The following RGS5 variants were observed in gnomAD, a reference collection of about 807,000 sequenced individuals.
RGS5 encodes the protein regulator of G-protein signalling 5.
In RGS5, 20 loss-of-function variants were observed where a neutral mutation model predicts 18.9. That is an observed-to-expected ratio of 1.06 (90% CI 0.74 to 1.54). RGS5 has a LOEUF of 1.54. Ranked by LOEUF, RGS5 falls within the 40% of genes most tolerant of loss-of-function variation. RGS5 has a pLI of 0.00. For synonymous variants in RGS5, 57 were observed against 76.2 expected, an observed-to-expected ratio of 0.75 and a Z score of 1.31; for missense variants, 201 against 211.8, an observed-to-expected ratio of 0.95 and a Z score of 0.32.
intron 2 of RGS5, among the ~76,000 whole-genome samples, chr1:163,299,776 C>G (rs764739127): frequency 6.6e-6 from 1 of 152,128 alleles, no homozygotes. Context: ...ACCACAGTTT[C>G]TGAGGAAAAA....
intron 2 of RGS5, among the ~76,000 whole-genome samples, chr1:163,234,285 A>T (rs1360889149): frequency 2.0e-5 from 3 of 152,212 alleles, no homozygotes; most frequent in Non-Finnish European, 4.4e-5. Flanking sequence ...TGGATTTTCA[A>T]ATTTTTACAC....
At chr1:163,262,897 C>G (rs940991422) in intron 2 of RGS5, among the ~76,000 whole-genome samples, 4 of 152,140 alleles carry the variant, frequency 2.6e-5, no homozygotes, top group African/African-American at 9.7e-5. Flanking sequence ...TAGGGATCTC[C>G]ATGGGCTGGC....
chr1:163,149,283 T>C (rs548925551), intron 4 of RGS5, among the ~76,000 whole-genome samples: 3 of 152,164 alleles, frequency 2.0e-5, no homozygotes, highest in Non-Finnish European at 4.4e-5. Flanking sequence ...GACTATAACA[T>C]AGATTTCTCC....
intron 2 of RGS5, among the ~76,000 whole-genome samples, chr1:163,234,947 C>A (rs1269663545): frequency 1.3e-5 from 2 of 152,144 alleles, no homozygotes; most frequent in African/African-American, 2.4e-5. Flanking sequence ...GAGGTAGAAG[C>A]TACAAGATAT....
intron 2 of RGS5, among the ~76,000 whole-genome samples, chr1:163,277,288 C>T (rs1301937492): frequency 6.6e-6 from 1 of 152,178 alleles, no homozygotes; most frequent in African/African-American, 2.4e-5. Flanking sequence ...TTGATTGATG[C>T]ATTATGTCTC....
chr1:163,284,264 C>A (rs1449871534), intron 2 of RGS5, among the ~76,000 whole-genome samples: 1 of 152,100 alleles, frequency 6.6e-6, no homozygotes, highest in African/African-American at 2.4e-5. Context: ...GATTTGTTAG[C>A]CCATCTCTTG....
intron 1 of RGS5, among the ~76,000 whole-genome samples, chr1:163,307,246 G>C (rs1046514951): frequency 6.6e-6 from 1 of 152,078 alleles, no homozygotes; most frequent in African/African-American, 2.4e-5. Context: ...AGATGACAAT[G>C]TCAAGTAAAA....
At chr1:163,190,224 G>C (rs1339378249) in intron 1 of RGS5, among the ~76,000 whole-genome samples, 1 of 152,188 alleles carries the variant, frequency 6.6e-6, no homozygotes, top group Non-Finnish European at 1.5e-5. Context: ...ACAGAGCTTA[G>C]ACTGAGGCTT....
chr1:163,310,572 C>T lies in RGS5; in HGVS notation c.-377-4243G>A, dbSNP rs558031440. Among the ~76,000 whole-genome samples the T allele has an allele frequency of 1.9e-4, 21 of 110,628 alleles. No individual in the cohort carries two copies. The South Asian group carries it at 7.9e-3, about 41-fold the overall frequency. 72.6% of individuals were successfully genotyped at this position (110,628 alleles called of 152,430 possible). A position where few individuals can be genotyped will look rare whatever the true frequency, so the allele number is the denominator to read the frequency against. On this transcript the variant is annotated intron_variant, in intron 1 of 5. Transcript: ENST00000618415. ...CCTGGGCGACAGAGCAAGACTCCGT[C>T]TCAAAAAAAAAAAAAAAAAAAAGGC...
intron 1 of RGS5, among the ~76,000 whole-genome samples, chr1:163,320,395 T>A (rs756698850): frequency 6.6e-6 from 1 of 152,218 alleles, no homozygotes; most frequent in Non-Finnish European, 1.5e-5. Flanking sequence ...ACTGTCACCC[T>A]ATTTTAAAGA....
At chr1:163,292,570 T>C (rs1336117132) in intron 2 of RGS5, among the ~76,000 whole-genome samples, 2 of 152,216 alleles carry the variant, frequency 1.3e-5, no homozygotes, top group Non-Finnish European at 2.9e-5. Context: ...TATTTATGCC[T>C]CTAGGTCTTT....
At chr1:163,221,328 T>C (rs1286069045), upstream of RGS5, among the ~76,000 whole-genome samples, 1 of 152,118 alleles carries the variant, frequency 6.6e-6, no homozygotes, top group African/African-American at 2.4e-5. Context: ...TGAAACTCCA[T>C]CTCTACTACA....
rs576655417 is a variant in RGS5 at position 163,191,025 on chromosome 1, C to T, written c.44+11767G>A. Among the ~76,000 whole-genome samples, 41 of 152,242 alleles carry T rather than the reference C, an allele frequency of 2.7e-4. 1 individual carries two copies. The South Asian group carries it at 7.9e-3, about 29-fold the overall frequency. ...TATATCCCTGTGTGCTCTCCTGTGA[C>T]GGCCACCTGGGTCCATGAAATGAGT... On this transcript the variant is annotated intron_variant, in intron 1 of 4. Transcript: ENST00000313961.
chr1:163,318,197 G>A (rs1357297416), intron 1 of RGS5, among the ~76,000 whole-genome samples: 1 of 152,160 alleles, frequency 6.6e-6, no homozygotes, highest in East Asian at 1.9e-4. Context: ...TGCGAAGTGG[G>A]TAGGATGGGA....
chr1:163,250,759 T>C (rs943987648), intron 2 of RGS5, among the ~76,000 whole-genome samples: 21 of 152,274 alleles, frequency 1.4e-4, no homozygotes, highest in African/African-American at 4.8e-4. Context: ...TAATTCAACA[T>C]AAGAGGATTG....
At chr1:163,181,365 C>T (rs1230694429) in intron 1 of RGS5, among the ~76,000 whole-genome samples, 1 of 152,160 alleles carries the variant, frequency 6.6e-6, no homozygotes, top group Non-Finnish European at 1.5e-5. Flanking sequence ...GAACAAGTCT[C>T]ACTCTTTTCT....
intron 1 of RGS5, chr1:163,321,273 CT>C (rs1222886825): frequency 6.6e-6 from 1 of 152,224 alleles, no homozygotes; most frequent in East Asian, 1.9e-4. Context: ...TACTGTATAA[CT>C]TCTAACAAAT....
chr1:163,155,863 A>T (rs1211947627), intron 3 of RGS5, among the ~76,000 whole-genome samples: 1 of 152,098 alleles, frequency 6.6e-6, no homozygotes, highest in African/African-American at 2.4e-5. Flanking sequence ...AAGCCAATGA[A>T]ACCCACCTGA....
chr1:163,298,205 GGAGT>G (rs1649470006), intron 2 of RGS5, among the ~76,000 whole-genome samples: 2 of 152,062 alleles, frequency 1.3e-5, no homozygotes, highest in Admixed American at 1.3e-4. Flanking sequence ...CACTTCATTT[GGAGT>G]GATAGAGAAG....
Sources: allele counts gnomAD v4.1 joint callset (sites outside exome capture counted in the v4.1 genomes callset), GRCh38; gene constraint gnomAD v4.1.1; transcripts MANE v1.5; gene names NCBI Gene and HGNC (gene_info 2026-07-23, HGNC 2026-07-21).